AOPEP: variants seen among roughly 807,000 people sequenced by gnomAD.
The protein encoded by AOPEP is aminopeptidase O.
A neutral mutation model predicts 98.1 loss-of-function variants in AOPEP; 77 were observed. That is an observed-to-expected ratio of 0.78 (90% CI 0.65 to 0.95). The LOEUF is 0.95. Among genes scored for constraint, AOPEP ranks in the 40% least tolerant of loss-of-function variants. The probability of loss-of-function intolerance (pLI) is 0.00; values close to 1 mark genes in which losing one functional copy is unlikely to be tolerated. For synonymous variants in AOPEP, 346 were observed against 365.3 expected, an observed-to-expected ratio of 0.95 and a Z score of 0.60; for missense variants, 1,024 against 1,024.7, an observed-to-expected ratio of 1.00 and a Z score of 0.01.
chr9:95,115,541 A>G, the AOPEP span, among the ~76,000 whole-genome samples: 1 of 152,264 alleles, frequency 6.6e-6, no homozygotes, highest in African/African-American at 2.4e-5. Flanking sequence ...TATGCAAACA[A>G]ATGTCTTTTC....
At chr9:94,896,106 G>A (rs760439253) in intron 5 of AOPEP, among the ~76,000 whole-genome samples, 3 of 152,084 alleles carry the variant, frequency 2.0e-5, no homozygotes, top group South Asian at 2.1e-4. Flanking sequence ...CATTATTTTC[G>A]GAGGATGCAT....
intron 5 of AOPEP, among the ~76,000 whole-genome samples, chr9:94,846,336 T>C (rs1004617550): frequency 6.6e-6 from 1 of 151,794 alleles, no homozygotes; most frequent in Non-Finnish European, 1.5e-5. Context: ...GGACTGAGGG[T>C]GGACTGTGGG....
intron 5 of AOPEP, among the ~76,000 whole-genome samples, chr9:94,870,777 T>C (rs2046256263): frequency 1.3e-5 from 2 of 152,246 alleles, no homozygotes; most frequent in Admixed American, 1.3e-4. Context: ...TTAGTGGTTA[T>C]GTGGTTTCTA....
chr9:95,111,148 T>G, the AOPEP span: 1 of 1,534,844 alleles, frequency 6.5e-7, no homozygotes. Context: ...AGGGCACGCC[T>G]TGGAGGACGC....
the AOPEP span, among the ~76,000 whole-genome samples, chr9:95,094,620 A>C: frequency 3.3e-5 from 5 of 152,190 alleles, no homozygotes; most frequent in African/African-American, 1.2e-4. Context: ...TTTAACATAA[A>C]GTCTTCCAGG....
chr9:94,940,471 G>T (rs2056881099), intron 7 of AOPEP, among the ~76,000 whole-genome samples: 1 of 152,070 alleles, frequency 6.6e-6, no homozygotes, highest in African/African-American at 2.4e-5. Flanking sequence ...TGGCATGGTG[G>T]CATGCCTATA....
intron 16 of AOPEP, chr9:95,086,252 T>A: frequency 8.2e-7 from 1 of 1,226,114 alleles, no homozygotes; most frequent in Non-Finnish European, 1.0e-6. Context: ...CGTGGGGGTT[T>A]GTAGACTTGG....
intron 4 of AOPEP, 136 bp downstream of exon 4, chr9:94,793,054 A>T: frequency 9.7e-7 from 1 of 1,034,726 alleles, no homozygotes; most frequent in Non-Finnish European, 1.4e-6. Flanking sequence ...TAATCAAAGC[A>T]GGAAAAGCCC....
At chr9:94,744,655 T>G (rs1217203888) in intron 1 of AOPEP, among the ~76,000 whole-genome samples, 1 of 143,028 alleles carries the variant, frequency 7.0e-6, no homozygotes, top group African/African-American at 2.7e-5. Context: ...GAGACAAGAT[T>G]GTGCCATTGC....
intron 5 of AOPEP, among the ~76,000 whole-genome samples, chr9:94,821,378 G>A (rs1486591476): frequency 2.6e-5 from 4 of 152,146 alleles, no homozygotes; most frequent in African/African-American, 9.7e-5. Flanking sequence ...ACCACAATGA[G>A]AAAAAATGAA....
chr9:94,761,129 A>G (rs764579535), intron 2 of AOPEP, among the ~76,000 whole-genome samples: 15 of 152,196 alleles, frequency 9.9e-5, no homozygotes, highest in Non-Finnish European at 1.9e-4. Context: ...AAAGCATACA[A>G]AAGACCTGTT....
intron 5 of AOPEP, among the ~76,000 whole-genome samples, chr9:94,923,300 A>C (rs1415837903): frequency 6.6e-6 from 1 of 152,180 alleles, no homozygotes; most frequent in Non-Finnish European, 1.5e-5. Context: ...TCCTGGGGCC[A>C]TTTGCACACC....
intron 5 of AOPEP, chr9:94,824,876 G>GTTTTTTT (rs10625567): frequency 7.2e-6 from 1 of 139,704 alleles, no homozygotes; most frequent in Non-Finnish European, 1.5e-5. Flanking sequence ...TTTGGTGAGT[G>GTTTTTTT]TTTTTTTTTT....
intron 5 of AOPEP, among the ~76,000 whole-genome samples, chr9:94,914,523 C>CGTGTGT (rs67826706): frequency 0.11 from 15,116 of 143,536 alleles, 997 homozygotes; most frequent in African/African-American, 0.18. Flanking sequence ...TGGCATTAGA[C>CGTGTGT]GTGTGTGTGT....
chr9:95,001,128 C>T (rs769126257), intron 11 of AOPEP, among the ~76,000 whole-genome samples: 3 of 152,072 alleles, frequency 2.0e-5, no homozygotes, highest in Admixed American at 6.5e-5. Context: ...AAAACACACC[C>T]GTAACAATGT....
chr9:95,108,170 C>T, the AOPEP span, among the ~76,000 whole-genome samples: 2 of 152,090 alleles, frequency 1.3e-5, no homozygotes, highest in Non-Finnish European at 1.5e-5. Flanking sequence ...AGGCCTCATT[C>T]AATGAAGTCT....
chr9:95,096,795 C>T, the AOPEP span, among the ~76,000 whole-genome samples: 3 of 152,342 alleles, frequency 2.0e-5, no homozygotes, highest in South Asian at 2.1e-4. Context: ...TGTGTCAGTG[C>T]GTGGTACGCT....
At chr9:94,753,834 T>C (rs1433534399) in intron 1 of AOPEP, among the ~76,000 whole-genome samples, 6 of 152,298 alleles carry the variant, frequency 3.9e-5, no homozygotes, top group African/African-American at 9.6e-5. Flanking sequence ...CAAAACGGAA[T>C]TTCTAGACAT....
chr9:95,082,653 G>A lies in AOPEP; in HGVS notation c.2398G>A (p.Glu800Lys), dbSNP rs559653559. The A allele has an allele frequency of 1.3e-5, 21 of 1,614,220 alleles. No homozygotes were observed. Among genetic ancestry groups the A allele is most frequent in the East Asian group, 2.2e-5 (1 of 44,876 alleles). ...RQQQLARRCF[E>K]RTKEQMDRSS... ...GCAGCAGCTCGCCCGTAGGTGCTTC[G>A]AGCGGACCAAGGAGCAGATGGATAG... is the stretch of plus-strand genomic sequence containing the variant. Residue 800 changes from glutamate (E) to lysine (K), a missense_variant, in exon 16 of 17, where the codon GAG (glutamate) becomes AAG (lysine). Physicochemically the swap from Glu to Lys is moderately conservative, Grantham distance 56 (BLOSUM62 1). This residue lies in a region of AOPEP where 566 missense variants were observed against 551.7 expected (regional missense o/e 1.03). Coordinates refer to ENST00000375315, the MANE Select transcript of AOPEP (RefSeq NM_001193329.3).
Sources: allele counts gnomAD v4.1 joint callset (sites outside exome capture counted in the v4.1 genomes callset), GRCh38; gene constraint gnomAD v4.1.1; regional missense constraint gnomAD v4.1.1; transcripts MANE v1.5; gene names NCBI Gene and HGNC (gene_info 2026-07-23, HGNC 2026-07-21).